CLVS1: variants seen among roughly 807,000 people sequenced by gnomAD.
CLVS1 encodes clavesin-1.
A neutral mutation model predicts 33.1 loss-of-function variants in CLVS1; 10 were observed. The ratio of observed to expected loss-of-function variants is 0.30; its 90% CI spans 0.19 to 0.51. The LOEUF is 0.51. Ranked by LOEUF, CLVS1 falls within the 20% of genes least tolerant of loss-of-function variation. CLVS1 has a pLI of 0.97. For synonymous variants in CLVS1, 163 were observed against 166.1 expected (o/e 0.98, Z 0.14); for missense variants, 343 against 433.4 (o/e 0.79, Z 1.85).
rs577835583 is a variant in CLVS1, at chr8:61,218,186, G to A, written c.-151-81491G>A. 4.0e-4 allele frequency among the ~76,000 whole-genome samples: 61 copies of A among 152,238 alleles called. 2 individuals are homozygous for A. In the South Asian group the frequency reaches 4.1e-3, roughly 10 times the overall value. ...AAAGAAATGAAATCATAATATCAAA[G>A]AGACATCTGCACCTCCATGTTTATT... On this transcript the variant is annotated intron_variant, in intron 2 of 2. Coordinates refer to the CLVS1 transcript ENST00000522621.
At chr8:61,384,049 C>G (rs557178264) in intron 3 of CLVS1, among the ~76,000 whole-genome samples, 1 of 152,196 alleles carries the variant, frequency 6.6e-6, no homozygotes, top group Non-Finnish European at 1.5e-5. Flanking sequence ...GAATGGCATC[C>G]TGGGCAAGGC....
At chr8:61,232,526 C>G (rs1454524408) in intron 2 of CLVS1, among the ~76,000 whole-genome samples, 2 of 152,170 alleles carry the variant, frequency 1.3e-5, no homozygotes, top group African/African-American at 4.8e-5. Flanking sequence ...AATCTCCAAA[C>G]TAGTTTCCTT....
the CLVS1 span, among the ~76,000 whole-genome samples, chr8:61,014,278 A>G: frequency 6.6e-6 from 1 of 152,094 alleles, no homozygotes; most frequent in Non-Finnish European, 1.5e-5. Context: ...TGTTACTCCC[A>G]TCACCATGGG....
intron 1 of CLVS1, among the ~76,000 whole-genome samples, chr8:61,295,862 A>T (rs1810183887): frequency 6.6e-6 from 1 of 152,156 alleles, no homozygotes; most frequent in Non-Finnish European, 1.5e-5. Flanking sequence ...TAAATACTGT[A>T]GTCTATAAAA....
rs776829272 is a variant in CLVS1, at chr8:61,299,982, A to G, written c.155A>G (p.Asp52Gly). Residue 52 changes from aspartate (D) to glycine (G), a missense_variant, in exon 2 of 6, where the codon GAT (aspartate) becomes GGT (glycine). Around this residue, in one of 4 missense-constraint regions of CLVS1, gnomAD observed 88 missense variants for 77.3 expected, o/e 1.14. Transcript: ENST00000325897. The stretch of plus-strand genomic sequence containing the variant: ...GAAAACCCCGATGTTTTACATCAGG[A>G]TATTCAGCAAGTCAGGGACATGATC... ...LNENPDVLHQ[D>G]IQQVRDMIIT... 7.4e-6 allele frequency: 12 copies of G among 1,614,040 alleles called. No homozygotes were observed. The highest frequency in any genetic ancestry group is 1.0e-5 in the Non-Finnish European group (12 of 1,179,964).
chr8:61,456,897 A>T (rs3101191), intron 4 of CLVS1, among the ~76,000 whole-genome samples: 4 of 147,142 alleles, frequency 2.7e-5, no homozygotes, highest in African/African-American at 1.0e-4. Context: ...CAGCTTGGGC[A>T]ACAGAGCAAG....
chr8:61,003,697 T>A, the CLVS1 span, among the ~76,000 whole-genome samples: 1 of 152,230 alleles, frequency 6.6e-6, no homozygotes, highest in African/African-American at 2.4e-5. Context: ...ACATTATGAC[T>A]GTTTTGGCTT....
rs147443633 is a variant in CLVS1, at chr8:61,266,263, T to A, written c.-151-33414T>A. Reference sequence around the variant, plus strand: ...GACCTCCCTTGTTTACTTGTGACAATGCCAGACACAAACCCTCCAAATTTT... The same window carrying A: ...GACCTCCCTTGTTTACTTGTGACAAAGCCAGACACAAACCCTCCAAATTTT... On this transcript the variant is annotated intron_variant, in intron 2 of 2. Transcript: ENST00000522621. Among the ~76,000 whole-genome samples, 498 of 151,198 alleles carry A rather than the reference T, an allele frequency of 3.3e-3. 2 individuals carry two copies. The highest frequency in any genetic ancestry group is 5.0e-3 in the Non-Finnish European group (343 of 67,948).
At chr8:61,331,558 A>G (rs1040201960) in intron 2 of CLVS1, among the ~76,000 whole-genome samples, 2 of 149,800 alleles carry the variant, frequency 1.3e-5, no homozygotes, top group South Asian at 2.1e-4. Flanking sequence ...TTTCTTGCCA[A>G]TTTTGGTTTG....
At chr8:61,380,146 C>G (rs1459014820) in intron 3 of CLVS1, among the ~76,000 whole-genome samples, 1 of 152,124 alleles carries the variant, frequency 6.6e-6, no homozygotes, top group Non-Finnish European at 1.5e-5. Context: ...CCAATAGACT[C>G]CAAAGTGGAT....
At chr8:61,448,204 A>G (rs187179571) in intron 3 of CLVS1, among the ~76,000 whole-genome samples, 14 of 152,132 alleles carry the variant, frequency 9.2e-5, no homozygotes, top group African/African-American at 2.6e-4. Flanking sequence ...AAATATAATT[A>G]TGATATGTCT....
intron 2 of CLVS1, among the ~76,000 whole-genome samples, chr8:61,214,760 T>C (rs1808049657): frequency 6.6e-6 from 1 of 152,196 alleles, no homozygotes; most frequent in South Asian, 2.1e-4. Context: ...AACTTTATGG[T>C]TATAATTTGA....
At chr8:61,315,431 C>A (rs1810975840) in intron 2 of CLVS1, among the ~76,000 whole-genome samples, 1 of 152,148 alleles carries the variant, frequency 6.6e-6, no homozygotes, top group Non-Finnish European at 1.5e-5. Context: ...TGCCACTGGG[C>A]CCATTCCCTT....
At chr8:61,156,856 A>G (rs1035108382) in intron 2 of CLVS1, among the ~76,000 whole-genome samples, 2 of 152,154 alleles carry the variant, frequency 1.3e-5, no homozygotes. Flanking sequence ...AAAACTCTCA[A>G]TGTATCTGTC....
the CLVS1 span, among the ~76,000 whole-genome samples, chr8:61,028,578 G>A: frequency 6.6e-6 from 1 of 152,124 alleles, no homozygotes; most frequent in Non-Finnish European, 1.5e-5. Context: ...GTAGGTTCCT[G>A]GGCCTTTCAA....
chr8:61,253,675 C>T (rs1809001882), intron 2 of CLVS1, among the ~76,000 whole-genome samples: 1 of 152,128 alleles, frequency 6.6e-6, no homozygotes, highest in Non-Finnish European at 1.5e-5. Flanking sequence ...TTCATTTGAT[C>T]TTCCATCACT....
chr8:61,303,200 A>T (rs2978560), intron 2 of CLVS1, among the ~76,000 whole-genome samples: 40,848 of 152,190 alleles, frequency 0.27, 6,874 homozygotes, highest in Non-Finnish European at 0.35. Context: ...ACACATAAAG[A>T]AATCAGCCAT....
chr8:61,133,695 T>C (rs1483235689), intron 2 of CLVS1, among the ~76,000 whole-genome samples: 5 of 151,806 alleles, frequency 3.3e-5, no homozygotes, highest in Non-Finnish European at 1.5e-5. Flanking sequence ...AGGGGAAAGA[T>C]TGGGATTTGC....
chr8:61,181,485 A>C (rs1158129036), intron 2 of CLVS1, among the ~76,000 whole-genome samples: 2 of 152,180 alleles, frequency 1.3e-5, no homozygotes, highest in Admixed American at 6.5e-5. Context: ...GAACTATTTT[A>C]AATTTCATAT....
Sources: gnomAD v4.1 joint callset for allele counts (sites outside exome capture counted in the v4.1 genomes callset) on GRCh38, gnomAD v4.1.1 for gene constraint, gnomAD v4.1.1 regional missense constraint, MANE v1.5 for transcripts, NCBI Gene and HGNC (gene_info 2026-07-23, HGNC 2026-07-21) for gene names.